ACP3: variants seen among roughly 807,000 people sequenced by gnomAD.
ACP3 encodes the protein prostatic acid phosphatase.
In ACP3, 38 loss-of-function variants were observed where a neutral mutation model predicts 45.6. The observed-to-expected ratio is 0.83, with a 90% confidence interval of 0.64 to 1.09. The LOEUF (loss-of-function observed/expected upper bound fraction) is 1.09, where lower values mean the gene tolerates loss of function less well. Among genes scored for constraint, ACP3 ranks in the 50% least tolerant of loss-of-function variants. The pLI, the probability that ACP3 is intolerant of heterozygous loss-of-function variation, is 0.00. For synonymous variants in ACP3, 162 were observed against 164.7 expected, an observed-to-expected ratio of 0.98 and a Z score of 0.13; for missense variants, 466 against 463.2, an observed-to-expected ratio of 1.01 and a Z score of -0.05.
intron 5 of ACP3, among the ~76,000 whole-genome samples, chr3:132,340,673 C>T (rs1476557036): frequency 6.6e-6 from 1 of 152,116 alleles, no homozygotes; most frequent in Admixed American, 6.5e-5. Context: ...TTTTTTCCTA[C>T]TTATTGAAGC....
chr3:132,345,059 G>C lies in ACP3; in HGVS notation c.781G>C (p.Gly261Arg), dbSNP rs1170740611. The C allele has an allele frequency of 1.2e-6, 2 of 1,612,332 alleles. No homozygotes were observed. The highest frequency in any genetic ancestry group is 2.7e-5 in the African/African-American group (2 of 74,804). Residue 261 changes from glycine (G) to arginine (R), a missense_variant and splice_region_variant, in exon 7 of 10, where the codon GGT (glycine) becomes CGT (arginine). Coordinates refer to ENST00000336375, the MANE Select transcript of ACP3 (RefSeq NM_001099.5). ...KQKEKSRLQG[G>R]VLVNEILNHM... ...GAAAGAGAAATCTAGGCTCCAAGGG[G>C]GTAAGTATTAAAAAATGAGAGGAGC...
intron 6 of ACP3, 124 bp downstream of exon 6, chr3:132,342,768 A>G (rs374064511): frequency 7.7e-6 from 4 of 520,844 alleles, no homozygotes; most frequent in African/African-American, 2.0e-5. Context: ...TTCTTTTGAC[A>G]TTGAAACGTA....
chr3:132,367,065 A>G (rs1007522464), intron 10 of ACP3, among the ~76,000 whole-genome samples: 1 of 152,214 alleles, frequency 6.6e-6, no homozygotes, highest in Admixed American at 6.5e-5. Flanking sequence ...TATGATGTGT[A>G]TACTATAGTG....
chr3:132,332,120 C>A, intron 3 of ACP3, 72 bp from the exon 4 acceptor site: 1 of 1,556,852 alleles, frequency 6.4e-7, no homozygotes, highest in Non-Finnish European at 8.8e-7. Context: ...TTCTCTAATA[C>A]CTTGGCAGCT....
At chr3:132,352,361 C>CTTTTT (rs35270483) in intron 8 of ACP3, among the ~76,000 whole-genome samples, 1 of 135,594 alleles carries the variant, frequency 7.4e-6, no homozygotes, top group Admixed American at 7.4e-5. Context: ...CCACACCCAG[C>CTTTTT]TTTTTTTTTT....
intron 1 of ACP3, among the ~76,000 whole-genome samples, chr3:132,325,888 C>T (rs943434541): frequency 6.6e-6 from 1 of 152,204 alleles, no homozygotes; most frequent in Non-Finnish European, 1.5e-5. Flanking sequence ...ATAATAGTAA[C>T]TGCTTTGTGG....
intron 5 of ACP3, among the ~76,000 whole-genome samples, chr3:132,341,121 A>T (rs1334749263): frequency 6.6e-6 from 1 of 152,096 alleles, no homozygotes; most frequent in East Asian, 1.9e-4. Context: ...AAAAATGTGT[A>T]TCTCTGATTT....
At chr3:132,339,101 A>C (rs1937523413) in intron 5 of ACP3, among the ~76,000 whole-genome samples, 1 of 152,040 alleles carries the variant, frequency 6.6e-6, no homozygotes, top group Admixed American at 6.5e-5. Context: ...CATCAGTTAA[A>C]TGCCATTTAT....
intron 1 of ACP3, among the ~76,000 whole-genome samples, chr3:132,319,641 A>G (rs768861422): frequency 6.6e-6 from 1 of 152,204 alleles, no homozygotes; most frequent in African/African-American, 2.4e-5. Context: ...TATTATTCCT[A>G]TTTTATAGAT....
chr3:132,358,558 C>A lies in ACP3; in HGVS notation c.*1680C>A. The A allele has an allele frequency of 8.7e-7, 1 of 1,151,824 alleles. No individual in the cohort carries two copies. The highest frequency in any genetic ancestry group is 7.3e-5 in the East Asian group (1 of 13,698). The allele number at this position is 1,151,824 out of a possible 1,614,324, so 71.4% of individuals were successfully genotyped here. On this transcript the variant is annotated 3_prime_UTR_variant, in exon 10 of 10. Transcript: ENST00000336375. ...GGTTTCTAGAGATGGTTTCTACTGG[C>A]TGCCAGAATCTAGAGCAAAGCCATC...
In ACP3 at chr3:132,358,395, G is replaced by A. The variant is rs1937966146; in HGVS notation, c.*1517G>A. On this transcript the variant is annotated 3_prime_UTR_variant, in exon 10 of 10. Coordinates refer to ENST00000336375, the MANE Select transcript of ACP3 (RefSeq NM_001099.5). ...TAAGTCTTTAATGCCGATATCTTCA[G>A]AAAACCTAAGCAAACTTACAGGTCC... The A allele has an allele frequency of 1.6e-6, 2 of 1,249,360 alleles. No homozygotes were observed. The highest frequency in any genetic ancestry group is 1.0e-6 in the Non-Finnish European group (1 of 963,602). The allele number at this position is 1,249,360 out of a possible 1,614,324, so 77.4% of individuals were successfully genotyped here. A position where few individuals can be genotyped will look rare whatever the true frequency, so the allele number is the denominator to read the frequency against.
intron 2 of ACP3, among the ~76,000 whole-genome samples, chr3:132,331,275 C>G (rs546123203): frequency 4.7e-4 from 71 of 152,312 alleles, no homozygotes; most frequent in Non-Finnish European, 4.9e-4. Flanking sequence ...GATGGTTGAG[C>G]TTCTTCCACA....
chr3:132,331,848 G>A, intron 3 of ACP3, 115 bp downstream of exon 3: 1 of 967,694 alleles, frequency 1.0e-6, no homozygotes, highest in Non-Finnish European at 1.5e-6. Flanking sequence ...CAGAGGTCTT[G>A]TTTACAAATA....
chr3:132,339,000 G>C (rs936824453), intron 5 of ACP3, among the ~76,000 whole-genome samples: 5 of 152,060 alleles, frequency 3.3e-5, no homozygotes, highest in Admixed American at 6.6e-5. Flanking sequence ...GTACTCATTG[G>C]TTATTTTTCC....
chr3:132,341,562 T>A (rs1197806625), intron 5 of ACP3, among the ~76,000 whole-genome samples: 1 of 152,232 alleles, frequency 6.6e-6, no homozygotes, highest in South Asian at 2.1e-4. Flanking sequence ...GGCATTGAAC[T>A]AATAGTTTTA....
intron 7 of ACP3, among the ~76,000 whole-genome samples, chr3:132,347,519 C>T (rs1328744885): frequency 6.6e-6 from 1 of 151,906 alleles, no homozygotes; most frequent in Non-Finnish European, 1.5e-5. Context: ...TCATTCTGTC[C>T]TCCAGGCTGG....
chr3:132,350,050 T>C (rs750721768), intron 8 of ACP3, 48 bp downstream of exon 8: 1 of 1,319,280 alleles, frequency 7.6e-7, no homozygotes, highest in Non-Finnish European at 1.1e-6. Flanking sequence ...AAGTGTGTGA[T>C]CTCTTGAAGC....
chr3:132,350,941 G>A (rs980344945), intron 8 of ACP3, among the ~76,000 whole-genome samples: 3 of 152,174 alleles, frequency 2.0e-5, no homozygotes, highest in Non-Finnish European at 4.4e-5. Context: ...CTAAAATTAG[G>A]GCAGCGGCAG....
rs533532381 is a variant in ACP3, at chr3:132,352,784, A to C, written c.929A>C (p.Tyr310Ser). Residue 310 changes from tyrosine to serine, a missense_variant, in exon 9 of 10, where the codon TAT becomes TCT. Tyr to Ser is a moderately radical substitution (Grantham distance 144). Transcript: ENST00000336375. Reference sequence around the variant, plus strand: ...GTTTACAACGGACTCCTTCCTCCCTATGCTTCTTGCCACTTGACGGAATTG... The same window carrying C: ...GTTTACAACGGACTCCTTCCTCCCTCTGCTTCTTGCCACTTGACGGAATTG... Reference protein sequence around the residue: ...LDVYNGLLPPYASCHLTELYF... With the variant: ...LDVYNGLLPPSASCHLTELYF... 6.2e-7 allele frequency: 1 copy of C among 1,613,664 alleles called. No individual in the cohort carries two copies. The highest frequency in any genetic ancestry group is 8.5e-7 in the Non-Finnish European group (1 of 1,179,602).
Sources: allele counts gnomAD v4.1 joint callset (sites outside exome capture counted in the v4.1 genomes callset), GRCh38; gene constraint gnomAD v4.1.1; transcripts MANE v1.5; gene names NCBI Gene and HGNC (gene_info 2026-07-23, HGNC 2026-07-21).